Variants in MKLN1 observed in about 807,000 individuals in gnomAD.
MKLN1 encodes muskelin 1, also known as muskelin.
In MKLN1, 18 loss-of-function variants were observed where a neutral mutation model predicts 99.0. That is an observed-to-expected ratio of 0.18 (90% CI 0.13 to 0.27). The LOEUF (loss-of-function observed/expected upper bound fraction) is 0.27, where lower values mean the gene tolerates loss of function less well. Among genes scored for constraint, MKLN1 ranks in the 10% least tolerant of loss-of-function variants. The pLI is 1.00. For synonymous variants in MKLN1, 288 were observed against 293.2 expected (o/e 0.98, Z 0.18); for missense variants, 621 against 875.9 (o/e 0.71, Z 3.67).
intron 2 of MKLN1, among the ~76,000 whole-genome samples, chr7:131,187,411 G>A (rs183222487): frequency 2.8e-4 from 43 of 151,646 alleles, no homozygotes; most frequent in Non-Finnish European, 5.6e-4. Flanking sequence ...GCATAGTAAC[G>A]TATTGCTCTA....
At chr7:131,228,066 A>G (rs1797184201) in intron 3 of MKLN1, among the ~76,000 whole-genome samples, 1 of 151,102 alleles carries the variant, frequency 6.6e-6, no homozygotes, top group Non-Finnish European at 1.5e-5. Context: ...AATGTCAACA[A>G]TTTTTTGTTG....
intron 3 of MKLN1, among the ~76,000 whole-genome samples, chr7:131,227,697 C>T (rs1335653603): frequency 6.6e-6 from 1 of 151,792 alleles, no homozygotes; most frequent in African/African-American, 2.4e-5. Context: ...TCTGGAGTAG[C>T]TGGGATCACA....
intron 12 of MKLN1, among the ~76,000 whole-genome samples, chr7:131,450,213 C>T (rs1292898177): frequency 2.0e-5 from 3 of 152,184 alleles, no homozygotes; most frequent in Non-Finnish European, 4.4e-5. Context: ...TACAGCTATT[C>T]TGTGTTACCA....
In MKLN1 at chr7:131,140,175, C is replaced by T. The variant is rs150141015; in HGVS notation, c.-418-2645C>T. On this transcript the variant is annotated intron_variant, in intron 1 of 7. Transcript: ENST00000416992. ...TCTCCATGGTACTCACCTGTGGGTG[C>T]TTCTTAGTCTTTTTCTTGCTCGATC... Among the ~76,000 whole-genome samples the T allele has an allele frequency of 5.5e-3, 837 of 152,296 alleles. 2 individuals carry two copies. The highest frequency in any genetic ancestry group is 9.1e-3 in the Non-Finnish European group (622 of 68,028).
chr7:131,225,070 CAA>C (rs151006219), intron 3 of MKLN1, among the ~76,000 whole-genome samples: 263 of 102,484 alleles, frequency 2.6e-3, no homozygotes, highest in Non-Finnish European at 4.5e-3. Context: ...GACTGTGTCT[CAA>C]AAAAAAAAAA....
At chr7:131,447,789 A>G (rs1796058230) in intron 12 of MKLN1, among the ~76,000 whole-genome samples, 1 of 152,202 alleles carries the variant, frequency 6.6e-6, no homozygotes, top group African/African-American at 2.4e-5. Context: ...ACCCTACCAT[A>G]TACCAGAATA....
rs187088935 is a variant in MKLN1, at chr7:131,219,639, T to C, written c.-179+16665T>C. ...GGAGGAAGTCTGTGAAATGAAATCA[T>C]TATTAGGCCATGGTACAAATGGCTG... On this transcript the variant is annotated intron_variant, in intron 3 of 7. Transcript: ENST00000416992. Among the ~76,000 whole-genome samples, 32 of 152,062 alleles carry C rather than the reference T, an allele frequency of 2.1e-4. 1 individual carries two copies. The East Asian group carries it at 6.0e-3, about 28-fold the overall frequency.
intron 2 of MKLN1, among the ~76,000 whole-genome samples, chr7:131,377,012 T>G (rs1793685737): frequency 6.6e-6 from 1 of 152,206 alleles, no homozygotes; most frequent in South Asian, 2.1e-4. Flanking sequence ...TTTGTTCATT[T>G]TCACTACCAT....
intron 1 of MKLN1, among the ~76,000 whole-genome samples, chr7:131,137,429 A>G (rs1160695840): frequency 1.3e-5 from 2 of 152,214 alleles, no homozygotes; most frequent in Non-Finnish European, 2.9e-5. Flanking sequence ...GGAGTGATCC[A>G]TCCTGTGACT....
At position 131,448,817 on chromosome 7, in the gene MKLN1, TA is replaced by T. The variant is rs1796094612; in HGVS notation, c.1525+2917del. 2.0e-5 allele frequency among the ~76,000 whole-genome samples: 3 copies of T among 152,316 alleles called. No homozygotes were observed. The South Asian group carries it at 6.2e-4, about 32-fold the overall frequency. On this transcript the variant is annotated intron_variant, in intron 12 of 17. Coordinates refer to ENST00000352689, the MANE Select transcript of MKLN1 (RefSeq NM_013255.5). ...CAATTGAATTTTCCCACAATGCAAA[TA>T]AATTCATTAATAATATTTGTTGACC...
chr7:131,231,034 C>T (rs1365102231), intron 3 of MKLN1, among the ~76,000 whole-genome samples: 3 of 130,012 alleles, frequency 2.3e-5, no homozygotes, highest in East Asian at 2.7e-4. Context: ...GCACGAGAAT[C>T]GTTTGAACCT....
At chr7:131,356,453 T>G (rs1331118021) in intron 1 of MKLN1, among the ~76,000 whole-genome samples, 1 of 151,368 alleles carries the variant, frequency 6.6e-6, no homozygotes, top group Non-Finnish European at 1.5e-5. Flanking sequence ...CCCCCAAGAG[T>G]CCAAGACCCC....
chr7:131,126,455 T>G (rs1158332865), intron 1 of MKLN1, among the ~76,000 whole-genome samples: 1 of 152,206 alleles, frequency 6.6e-6, no homozygotes, highest in Non-Finnish European at 1.5e-5. Flanking sequence ...TCCCCCCATG[T>G]TTTTAATATT....
At chr7:131,329,304 C>T (rs1381109138) in intron 1 of MKLN1, among the ~76,000 whole-genome samples, 1 of 152,176 alleles carries the variant, frequency 6.6e-6, no homozygotes, top group African/African-American at 2.4e-5. Flanking sequence ...GGATCTGGCC[C>T]AATGAAGGGT....
chr7:131,138,166 C>T (rs997266579), intron 1 of MKLN1, among the ~76,000 whole-genome samples: 1 of 150,344 alleles, frequency 6.7e-6, no homozygotes, highest in South Asian at 2.1e-4. Flanking sequence ...CTCGGGTGAT[C>T]TACCCACCTC....
intron 3 of MKLN1, among the ~76,000 whole-genome samples, chr7:131,252,955 ATGT>A (rs1385076766): frequency 2.0e-5 from 3 of 152,178 alleles, no homozygotes; most frequent in South Asian, 4.1e-4. Flanking sequence ...GCTCAGACAA[ATGT>A]TGTTAGCAGT....
At chr7:131,400,515 A>G (rs1050199887) in intron 6 of MKLN1, among the ~76,000 whole-genome samples, 1 of 127,306 alleles carries the variant, frequency 7.9e-6, no homozygotes, top group African/African-American at 3.4e-5. Flanking sequence ...CCAATAAAAA[A>G]AAAATATATA....
intron 4 of MKLN1, among the ~76,000 whole-genome samples, chr7:131,390,003 A>G (rs1794151614): frequency 6.6e-6 from 1 of 152,230 alleles, no homozygotes; most frequent in Non-Finnish European, 1.5e-5. Context: ...GAATAATAAT[A>G]AAAGCCAGAG....
rs149668670 is a variant in MKLN1, at chr7:131,210,115, T to C, written c.-179+7141T>C. Among the ~76,000 whole-genome samples, 7 of 152,300 alleles carry C rather than the reference T, an allele frequency of 4.6e-5. No homozygotes were observed. In the East Asian group the frequency reaches 1.3e-3, roughly 29 times the overall value. ...AGAATCAGGAGTACTCTTCTAACCA[T>C]GTTGGTTTGAGATGCCTATTAGATA... On this transcript the variant is annotated intron_variant, in intron 3 of 7. Transcript: ENST00000416992.
Sources: allele counts gnomAD v4.1 joint callset (sites outside exome capture counted in the v4.1 genomes callset), GRCh38; gene constraint gnomAD v4.1.1; transcripts MANE v1.5; gene names NCBI Gene and HGNC (gene_info 2026-07-23, HGNC 2026-07-21).